Variants in FAM227B observed in about 807,000 individuals in gnomAD.
The protein encoded by FAM227B is family with sequence similarity 227 member B.
FAM227B carries 88 observed loss-of-function variants against 73.8 expected under a neutral mutation model. The ratio of observed to expected loss-of-function variants is 1.19; its 90% CI spans 1.00 to 1.42. The LOEUF is 1.42. FAM227B is among the 40% of genes most tolerant of loss of function. FAM227B has a pLI of 0.00. For missense variants in FAM227B, 632 were observed against 590.9 expected (o/e 1.07, Z -0.72); for synonymous variants, 210 against 190.5 (o/e 1.10, Z -0.84).
At chr15:49,332,433 G>A (rs183429014) in intron 14 of FAM227B, among the ~76,000 whole-genome samples, 4 of 152,282 alleles carry the variant, frequency 2.6e-5, no homozygotes, top group African/African-American at 9.6e-5. Context: ...AGGGATCCAG[G>A]AATCTCATGA....
At chr15:49,597,059 G>C (rs1362109277) in intron 3 of FAM227B, among the ~76,000 whole-genome samples, 1 of 151,802 alleles carries the variant, frequency 6.6e-6, no homozygotes, top group African/African-American at 2.4e-5. Flanking sequence ...CACCAAACAA[G>C]TCATCAAAAG....
chr15:49,614,934 T>C, intron 2 of FAM227B, 187 bp downstream of exon 2: 1 of 625,722 alleles, frequency 1.6e-6, no homozygotes, highest in South Asian at 1.9e-5. Flanking sequence ...AGCACCCTAT[T>C]AAAGCTTTCT....
intron 9 of FAM227B, among the ~76,000 whole-genome samples, chr15:49,553,608 C>G (rs976924460): frequency 6.6e-6 from 1 of 152,208 alleles, no homozygotes; most frequent in Non-Finnish European, 1.5e-5. Context: ...ACTCAAATCA[C>G]AAGATGCAGT....
rs539200684 is a variant in FAM227B, at chr15:49,513,866, C to T, written c.875-5518G>A. 9.2e-5 allele frequency among the ~76,000 whole-genome samples: 14 copies of T among 152,068 alleles called. No homozygotes were observed. In the East Asian group the frequency reaches 2.1e-3, roughly 23 times the overall value. On this transcript the variant is annotated intron_variant, in intron 10 of 15. Transcript: ENST00000299338. ...ATTAAATAGGGAATCCTTTCCCCAT[C>T]GCTTGTTTTTGTCAGGTTTGCCAAA...
chr15:49,349,197 ATTT>A (rs1338349128), intron 13 of FAM227B, among the ~76,000 whole-genome samples: 2 of 152,156 alleles, frequency 1.3e-5, no homozygotes, highest in Admixed American at 6.5e-5. Context: ...AGATATTACA[ATTT>A]TTTAATTGTC....
chr15:49,468,948 A>G (rs1291214707), intron 11 of FAM227B, among the ~76,000 whole-genome samples: 1 of 152,172 alleles, frequency 6.6e-6, no homozygotes, highest in Non-Finnish European at 1.5e-5. Flanking sequence ...AATTTTGAAT[A>G]ACATGCATAC....
intron 11 of FAM227B, among the ~76,000 whole-genome samples, chr15:49,437,432 C>T (rs774442681): frequency 6.6e-5 from 10 of 151,526 alleles, no homozygotes; most frequent in Non-Finnish European, 1.2e-4. Context: ...TTTAGGACTG[C>T]GCTCCACAAA....
At chr15:49,337,199 A>G (rs971177101) in intron 13 of FAM227B, among the ~76,000 whole-genome samples, 1 of 152,134 alleles carries the variant, frequency 6.6e-6, no homozygotes, top group Non-Finnish European at 1.5e-5. Flanking sequence ...TTTTCTTTTG[A>G]GTATATACCC....
At chr15:49,398,128 G>C (rs1201737910) in intron 11 of FAM227B, among the ~76,000 whole-genome samples, 1 of 152,182 alleles carries the variant, frequency 6.6e-6, no homozygotes, top group South Asian at 2.1e-4. Context: ...ACACACATAG[G>C]CTCAAAATAA....
chr15:49,476,820 G>T (rs533961587), intron 11 of FAM227B, among the ~76,000 whole-genome samples: 36 of 152,170 alleles, frequency 2.4e-4, no homozygotes, highest in Non-Finnish European at 4.1e-4. Flanking sequence ...AGCACTTTGG[G>T]AGGCTGAGGT....
intron 10 of FAM227B, among the ~76,000 whole-genome samples, chr15:49,510,662 T>G (rs2058928457): frequency 6.6e-6 from 1 of 152,146 alleles, no homozygotes; most frequent in Non-Finnish European, 1.5e-5. Flanking sequence ...TCAATTTACA[T>G]GTCTCATGTG....
intron 14 of FAM227B, chr15:49,334,151 G>T: frequency 1.7e-6 from 1 of 598,558 alleles, no homozygotes; most frequent in Non-Finnish European, 2.1e-6. Flanking sequence ...GCAGTTTTGT[G>T]GTTTTATGTA....
intron 9 of FAM227B, among the ~76,000 whole-genome samples, chr15:49,552,563 C>G (rs1051844303): frequency 6.6e-6 from 1 of 152,132 alleles, no homozygotes; most frequent in African/African-American, 2.4e-5. Context: ...CTTTCAATAA[C>G]CTATCTACCC....
chr15:49,346,852 T>G (rs1399115128), intron 13 of FAM227B, among the ~76,000 whole-genome samples: 1 of 152,224 alleles, frequency 6.6e-6, no homozygotes, highest in Non-Finnish European at 1.5e-5. Flanking sequence ...TGAAATAAGC[T>G]TATTAGCATG....
At chr15:49,512,678 T>C (rs145042631) in intron 10 of FAM227B, among the ~76,000 whole-genome samples, 5 of 152,308 alleles carry the variant, frequency 3.3e-5, no homozygotes, top group Admixed American at 6.5e-5. Flanking sequence ...GCTGCACCTA[T>C]GAACCTGTCA....
intron 5 of FAM227B, among the ~76,000 whole-genome samples, chr15:49,584,739 A>G (rs2076039578): frequency 6.6e-6 from 1 of 152,160 alleles, no homozygotes; most frequent in African/African-American, 2.4e-5. Context: ...GCCAAATCAG[A>G]AACACAATCC....
chr15:49,556,945 G>A (rs2073764103), intron 9 of FAM227B, among the ~76,000 whole-genome samples: 1 of 152,154 alleles, frequency 6.6e-6, no homozygotes, highest in Non-Finnish European at 1.5e-5. Context: ...CAGGATTCCA[G>A]AGGTCCCTGG....
intron 10 of FAM227B, among the ~76,000 whole-genome samples, chr15:49,523,452 A>G (rs1442955092): frequency 6.6e-6 from 1 of 152,132 alleles, no homozygotes; most frequent in East Asian, 1.9e-4. Flanking sequence ...TTCCACCACG[A>G]TTGTGAGGCC....
Position 49,402,010 on chromosome 15 carries a change from GA to G in FAM227B, c.1013-30612del, listed in dbSNP as rs561471741. Among the ~76,000 whole-genome samples, 133 of 149,460 alleles carry G rather than the reference GA, an allele frequency of 8.9e-4. 1 individual carries two copies. The Middle Eastern group carries it at 0.014, about 16-fold the overall frequency. On this transcript the variant is annotated intron_variant, in intron 11 of 15. Transcript: ENST00000299338. ...AAAACTTAAAGTATAATAAAAAGAA[GA>G]AAAAAAAAATCTTACCAAAACTGCA... is the stretch of plus-strand genomic sequence containing the variant.
Sources: allele counts gnomAD v4.1 joint callset (sites outside exome capture counted in the v4.1 genomes callset), GRCh38; gene constraint gnomAD v4.1.1; transcripts MANE v1.5; gene names NCBI Gene and HGNC (gene_info 2026-07-23, HGNC 2026-07-21).